The following MB21D2 variants were observed in gnomAD, a reference collection of about 807,000 sequenced individuals.
MB21D2 encodes nucleotidyltransferase MB21D2.
Under a neutral mutation model 33.3 loss-of-function variants are expected in MB21D2, and 9 were observed. That is an observed-to-expected ratio of 0.27 (90% CI 0.16 to 0.47). The LOEUF (loss-of-function observed/expected upper bound fraction) is 0.47. MB21D2 is among the 20% of genes least tolerant of loss of function. MB21D2 has a pLI of 0.99. For synonymous variants in MB21D2, 241 were observed against 236.3 expected (o/e 1.02, Z -0.18); for missense variants, 540 against 624.6 (o/e 0.86, Z 1.44).
At chr3:192,896,375 T>G (rs1713973788) in intron 1 of MB21D2, among the ~76,000 whole-genome samples, 1 of 152,178 alleles carries the variant, frequency 6.6e-6, no homozygotes, top group Non-Finnish European at 1.5e-5. Flanking sequence ...CGCCTTTTTT[T>G]GTTTCAGAGA....
chr3:192,901,132 G>A (rs191350509), intron 1 of MB21D2, among the ~76,000 whole-genome samples: 1,626 of 152,160 alleles, frequency 0.011, 16 homozygotes, highest in Non-Finnish European at 0.015. Flanking sequence ...GTTGGTCTTG[G>A]ATGACACAGA....
At chr3:192,845,480 T>C (rs935693894) in intron 1 of MB21D2, among the ~76,000 whole-genome samples, 3 of 152,256 alleles carry the variant, frequency 2.0e-5, no homozygotes, top group African/African-American at 7.2e-5. Flanking sequence ...TCCTCATCTA[T>C]GCTCCTATGC....
rs1214127965 is a variant in MB21D2, at chr3:192,840,648, G to A, written c.212-40998C>T. Among the ~76,000 whole-genome samples, 3 of 152,048 alleles carry A rather than the reference G, an allele frequency of 2.0e-5. No individual in the cohort carries two copies. The East Asian group carries it at 5.8e-4, about 29-fold the overall frequency. On this transcript the variant is annotated intron_variant, in intron 1 of 1. Transcript: ENST00000392452. ...GGAGGTGACCAGCTGAATCTCCCCAGATGACTTAATGAGAAAAAAACTGCT... is the reference window on the plus strand; with the variant it reads ...GGAGGTGACCAGCTGAATCTCCCCAAATGACTTAATGAGAAAAAAACTGCT...
At chr3:192,853,028 GTCTCTCTCTCTCTCTC>G (rs10541418) in intron 1 of MB21D2, among the ~76,000 whole-genome samples, 1 of 148,362 alleles carries the variant, frequency 6.7e-6, no homozygotes, top group Non-Finnish European at 1.5e-5. Context: ...ATCTCTCTCT[GTCTCTCTCTCTCTCTC>G]TCTCTCTCTC....
At chr3:192,874,194 A>C (rs1713380820) in intron 1 of MB21D2, among the ~76,000 whole-genome samples, 1 of 152,342 alleles carries the variant, frequency 6.6e-6, no homozygotes, top group African/African-American at 2.4e-5. Context: ...TAGTTACACC[A>C]GTTTATACTG....
intron 1 of MB21D2, among the ~76,000 whole-genome samples, chr3:192,814,972 C>G (rs897722558): frequency 6.6e-6 from 1 of 151,998 alleles, no homozygotes; most frequent in Admixed American, 6.6e-5. Context: ...TTCCCCCAAC[C>G]ATCTAAAAAT....
intron 1 of MB21D2, among the ~76,000 whole-genome samples, chr3:192,825,470 C>T (rs766711521): frequency 2.7e-5 from 4 of 149,494 alleles, no homozygotes; most frequent in Non-Finnish European, 4.4e-5. Context: ...GGCATAGTGC[C>T]CATGAAATAA....
intron 1 of MB21D2, among the ~76,000 whole-genome samples, chr3:192,897,029 AAGG>A (rs1248657072): frequency 6.6e-6 from 1 of 152,194 alleles, no homozygotes; most frequent in Admixed American, 6.5e-5. Context: ...TCCTCTATGG[AAGG>A]AGGAGAAGAG....
At chr3:192,817,109 T>C (rs1211839952) in intron 1 of MB21D2, among the ~76,000 whole-genome samples, 1 of 152,258 alleles carries the variant, frequency 6.6e-6, no homozygotes, top group African/African-American at 2.4e-5. Context: ...ATACTTTTTC[T>C]ATCTATTCTA....
chr3:192,809,696 G>A (rs1409610767), intron 1 of MB21D2, among the ~76,000 whole-genome samples: 2 of 152,136 alleles, frequency 1.3e-5, no homozygotes, highest in Non-Finnish European at 2.9e-5. Context: ...TCATCTCTGG[G>A]GAATAAAGTA....
Position 192,828,053 on chromosome 3 carries a change from A to G in MB21D2, c.212-28403T>C, listed in dbSNP as rs183062043. On this transcript the variant is annotated intron_variant, in intron 1 of 1. Transcript: ENST00000392452. Reference sequence around the variant, plus strand: ...CTCTCATTCTCTTGTCTGCCGCCATATAAGACATATCTTTTGCCTTCCGCC... The same window carrying G: ...CTCTCATTCTCTTGTCTGCCGCCATGTAAGACATATCTTTTGCCTTCCGCC... Among the ~76,000 whole-genome samples, 73 of 152,200 alleles carry G rather than the reference A, an allele frequency of 4.8e-4. 3 individuals carry two copies. Among genetic ancestry groups the G allele is most frequent in the African/African-American group, 1.7e-3 (72 of 41,504 alleles).
At chr3:192,815,056 T>C (rs954704125) in intron 1 of MB21D2, among the ~76,000 whole-genome samples, 2 of 152,078 alleles carry the variant, frequency 1.3e-5, no homozygotes, top group Middle Eastern at 3.4e-3. Flanking sequence ...TGATGGCTAC[T>C]AAGGGAGAAA....
At chr3:192,884,985 G>T (rs1011669682) in intron 1 of MB21D2, among the ~76,000 whole-genome samples, 5 of 152,052 alleles carry the variant, frequency 3.3e-5, no homozygotes, top group African/African-American at 7.3e-5. Context: ...GCACAATTCA[G>T]ACCCTTAAAA....
At chr3:192,839,616 C>CTG (rs1038026184) in intron 1 of MB21D2, among the ~76,000 whole-genome samples, 4 of 152,110 alleles carry the variant, frequency 2.6e-5, no homozygotes, top group Admixed American at 1.3e-4. Flanking sequence ...ATATATGTGT[C>CTG]TGTGTGTGTG....
At chr3:192,872,340 G>A (rs1713323383) in intron 1 of MB21D2, among the ~76,000 whole-genome samples, 1 of 152,096 alleles carries the variant, frequency 6.6e-6, no homozygotes, top group Non-Finnish European at 1.5e-5. Context: ...ACTTTGGGAG[G>A]CCGAGGCGGG....
intron 1 of MB21D2, among the ~76,000 whole-genome samples, chr3:192,801,965 A>G (rs1024603179): frequency 1.3e-5 from 2 of 152,256 alleles, no homozygotes; most frequent in Non-Finnish European, 2.9e-5. Flanking sequence ...AGCCAACATT[A>G]TAGTGTCAAC....
chr3:192,853,029 T>C (rs949375318), intron 1 of MB21D2, among the ~76,000 whole-genome samples: 1 of 45,152 alleles, frequency 2.2e-5, no homozygotes, highest in African/African-American at 8.2e-5. Context: ...TCTCTCTCTG[T>C]CTCTCTCTCT....
chr3:192,846,067 G>A (rs1300848223), intron 1 of MB21D2, among the ~76,000 whole-genome samples: 1 of 152,120 alleles, frequency 6.6e-6, no homozygotes, highest in Non-Finnish European at 1.5e-5. Flanking sequence ...CTGAGACCCT[G>A]TCTCAAAACT....
intron 1 of MB21D2, among the ~76,000 whole-genome samples, chr3:192,902,141 G>GTT (rs1310877980): frequency 2.6e-5 from 4 of 152,310 alleles, no homozygotes; most frequent in African/African-American, 9.6e-5. Context: ...AACTGATAGA[G>GTT]TGAAAAGGGC....
Sources: allele counts gnomAD v4.1 joint callset (sites outside exome capture counted in the v4.1 genomes callset), GRCh38; gene constraint gnomAD v4.1.1; transcripts MANE v1.5; gene names NCBI Gene and HGNC (gene_info 2026-07-23, HGNC 2026-07-21).